Variants in MED13L observed in about 807,000 individuals in gnomAD.
MED13L encodes the protein mediator of RNA polymerase II transcription subunit 13-like.
MED13L carries 7 observed loss-of-function variants against 220.9 expected under a neutral mutation model. The observed-to-expected ratio is 0.03, with a 90% CI of 0.02 to 0.06. The LOEUF is 0.06. Among genes scored for constraint, MED13L ranks in the 10% least tolerant of loss-of-function variants. The probability of loss-of-function intolerance (pLI) is 1.00; values close to 1 mark genes in which losing one functional copy is unlikely to be tolerated. For synonymous variants in MED13L, 1,011 were observed against 1,015.2 expected, an observed-to-expected ratio of 1.00 and a Z score of 0.08; for missense variants, 1,965 against 2,760.5, an observed-to-expected ratio of 0.71 and a Z score of 6.46.
In MED13L at chr12:116,157,190, C is replaced by T. The variant is rs536438793; in HGVS notation, c.311-45678G>A. Among the ~76,000 whole-genome samples the T allele has an allele frequency of 1.9e-3, 295 of 152,268 alleles. 1 individual carries two copies. Among genetic ancestry groups the T allele is most frequent in the African/African-American group, 6.8e-3 (282 of 41,560 alleles). Reference sequence around the variant, plus strand: ...ACTTAAATGTTCTTCCCTTCATTAACCACCCTGTGCTATGCCTTTCATAAT... The same window carrying T: ...ACTTAAATGTTCTTCCCTTCATTAATCACCCTGTGCTATGCCTTTCATAAT... On this transcript the variant is annotated intron_variant, in intron 2 of 30. Coordinates refer to ENST00000281928, the MANE Select transcript of MED13L (RefSeq NM_015335.5).
chr12:116,106,968 T>C (rs1237127533), intron 3 of MED13L, among the ~76,000 whole-genome samples: 2 of 152,222 alleles, frequency 1.3e-5, no homozygotes, highest in Non-Finnish European at 1.5e-5. Flanking sequence ...CCAATACTTC[T>C]GTTAGCTAGT....
At position 115,968,850 on chromosome 12, in the gene MED13L, G is replaced by A. The variant is rs1876378916; in HGVS notation, c.6225+90C>T. ...AAGGACCCAGACCATCAAGAACTGT[G>A]CAAGTAGGAACAAGATGATCAGATG... On this transcript the variant is annotated intron_variant, in intron 28 of 30. Coordinates refer to ENST00000281928, the MANE Select transcript of MED13L (RefSeq NM_015335.5). 7 of 1,508,856 alleles carry A rather than the reference G, an allele frequency of 4.6e-6. No individual in the cohort carries two copies. The South Asian group carries it at 8.0e-5, about 17-fold the overall frequency. The allele number at this position is 1,508,856 out of a possible 1,614,324, so 93.5% of individuals were successfully genotyped here. A position where few individuals can be genotyped will look rare whatever the true frequency, so the allele number is the denominator to read the frequency against.
chr12:116,031,705 GAAAAGAAAA>G (rs1454540217), intron 4 of MED13L, among the ~76,000 whole-genome samples: 6 of 32,952 alleles, frequency 1.8e-4, no homozygotes, highest in Non-Finnish European at 3.4e-4. Flanking sequence ...GAAAAGAAAA[GAAAAGAAAA>G]GAAAAGAAAA....
At chr12:116,253,295 C>T (rs1263709351) in intron 1 of MED13L, among the ~76,000 whole-genome samples, 3 of 145,946 alleles carry the variant, frequency 2.1e-5, no homozygotes, top group Admixed American at 2.1e-4. Context: ...AAAAAAAAGA[C>T]GTGGAATTCA....
intron 2 of MED13L, among the ~76,000 whole-genome samples, chr12:116,159,401 T>C (rs1415328883): frequency 1.3e-5 from 2 of 152,176 alleles, no homozygotes; most frequent in Non-Finnish European, 2.9e-5. Flanking sequence ...AGCAGATGGA[T>C]TTGAACACTA....
rs1454802290 is a variant in MED13L, at chr12:116,120,473, TCTCTCA to T, written c.311-8967_311-8962del. 4.8e-3 allele frequency among the ~76,000 whole-genome samples: 483 copies of T among 101,342 alleles called. 1 individual carries two copies. The highest frequency in any genetic ancestry group is 0.011 in the Middle Eastern group (2 of 176). 66.5% of individuals were successfully genotyped at this position (101,342 alleles called of 152,430 possible). On this transcript the variant is annotated intron_variant, in intron 2 of 30. Coordinates refer to ENST00000281928, the MANE Select transcript of MED13L (RefSeq NM_015335.5). Reference sequence around the variant, plus strand: ...CTCTCTCTCTCTCTCTCTCTCTCTCTCTCTCACACACACACACACACACACACACAC... The same window carrying T: ...CTCTCTCTCTCTCTCTCTCTCTCTCTCACACACACACACACACACACACAC...
At chr12:116,012,044 G>A (rs1879442314) in intron 9 of MED13L, among the ~76,000 whole-genome samples, 1 of 152,148 alleles carries the variant, frequency 6.6e-6, no homozygotes, top group African/African-American at 2.4e-5. Flanking sequence ...ACATTGAACA[G>A]TATCAAATTT....
intron 4 of MED13L, among the ~76,000 whole-genome samples, chr12:116,070,562 T>A (rs1010417692): frequency 3.6e-4 from 55 of 152,282 alleles, no homozygotes; most frequent in African/African-American, 1.2e-3. Flanking sequence ...AGCCTCAAAG[T>A]TCAGGCTCTT....
At position 116,245,262 on chromosome 12, in the gene MED13L, T is replaced by C. The variant is rs560312829; in HGVS notation, c.73-7557A>G. Among the ~76,000 whole-genome samples the C allele has an allele frequency of 1.1e-4, 16 of 152,246 alleles. No homozygotes were observed. In the East Asian group the frequency reaches 2.1e-3, roughly 20 times the overall value. Reference sequence around the variant, plus strand: ...CAGTCTTCATCCCTCAGAAAGGAATTTGGAAAAGTCTTCTCTGAGAAATCT... The same window carrying C: ...CAGTCTTCATCCCTCAGAAAGGAATCTGGAAAAGTCTTCTCTGAGAAATCT... On this transcript the variant is annotated intron_variant, in intron 1 of 30. Transcript: ENST00000281928.
chr12:116,025,794 T>C (rs1210514554), intron 4 of MED13L, among the ~76,000 whole-genome samples: 1 of 152,186 alleles, frequency 6.6e-6, no homozygotes, highest in Non-Finnish European at 1.5e-5. Context: ...AGTATTCTAT[T>C]GCACAGTAGG....
In MED13L at chr12:115,991,395, A is replaced by G. The variant is rs1308740984; in HGVS notation, c.3559T>C (p.Phe1187Leu). 6.2e-7 allele frequency: 1 copy of G among 1,613,880 alleles called. No homozygotes were observed. Among genetic ancestry groups the G allele is most frequent in the Non-Finnish European group, 8.5e-7 (1 of 1,180,032 alleles). ...TGACCAATATCAGAATTCTTCCCAA[A>G]AATATCCAACTCATCTTCAAGGAAG... ...GLFLEDELDI[F>L]GKNSDIGQAA... Residue 1187 changes from phenylalanine (F) to leucine (L), a missense_variant, in exon 17 of 31, where the codon TTT (phenylalanine) becomes CTT (leucine). Coordinates refer to ENST00000281928, the MANE Select transcript of MED13L (RefSeq NM_015335.5). This position sits in a 1 kb window ranked among gnomAD's most constrained non-coding sequence, Gnocchi z 7.7.
chr12:116,120,725 A>T (rs1030625747), intron 2 of MED13L, among the ~76,000 whole-genome samples: 1 of 152,098 alleles, frequency 6.6e-6, no homozygotes, highest in African/African-American at 2.4e-5. Context: ...AAAAAATAAA[A>T]AACAGGAAAA....
rs1358408057 is a variant in MED13L at position 116,105,941 on chromosome 12, T to A, written c.395+5487A>T. Among the ~76,000 whole-genome samples, 8 of 152,184 alleles carry A rather than the reference T, an allele frequency of 5.3e-5. 1 individual carries two copies. The highest frequency in any genetic ancestry group is 2.4e-5 in the African/African-American group (1 of 41,434). On this transcript the variant is annotated intron_variant, in intron 3 of 30. Transcript: ENST00000281928. ...GTGAGCAGAAATGGGATATACCATT[T>A]CCGAGCAAAAGCATTAATGAGCGAC...
intron 1 of MED13L, among the ~76,000 whole-genome samples, chr12:116,257,501 G>C (rs754642029): frequency 6.6e-6 from 1 of 152,126 alleles, no homozygotes; most frequent in African/African-American, 2.4e-5. Flanking sequence ...TTGATGACTG[G>C]AGTCTGAATA....
chr12:116,276,648 C>T (rs1873866375), intron 1 of MED13L: 1 of 1,193,632 alleles, frequency 8.4e-7, no homozygotes, highest in African/African-American at 1.6e-5. Context: ...GCTGATCCAA[C>T]AACGGGGGAA....
At chr12:115,982,724 A>G in intron 21 of MED13L, 121 bp from the exon 22 acceptor site, 1 of 952,212 alleles carries the variant, frequency 1.1e-6, no homozygotes, top group Admixed American at 2.0e-5. Flanking sequence ...GATTAAAGGT[A>G]AGAGTAACAT....
chr12:116,209,201 C>T (rs1268051429), intron 2 of MED13L, among the ~76,000 whole-genome samples: 1 of 151,966 alleles, frequency 6.6e-6, no homozygotes, highest in East Asian at 1.9e-4. Flanking sequence ...TTTTAAATTG[C>T]CAACAGTTTA....
chr12:116,098,337 T>C (rs1262137575), intron 3 of MED13L, among the ~76,000 whole-genome samples: 1 of 152,168 alleles, frequency 6.6e-6, no homozygotes, highest in Admixed American at 6.5e-5. Flanking sequence ...ACTACTGAAA[T>C]ACAGTTATCT....
intron 4 of MED13L, among the ~76,000 whole-genome samples, chr12:116,040,917 A>G (rs564662194): frequency 6.6e-6 from 1 of 152,332 alleles, no homozygotes; most frequent in African/African-American, 2.4e-5. Context: ...GACAATCTAC[A>G]GAATTAGTAC....
Sources: gnomAD v4.1 joint callset for allele counts (sites outside exome capture counted in the v4.1 genomes callset) on GRCh38, gnomAD v4.1.1 for gene constraint, Gnocchi (gnomAD v3.1) non-coding constraint, MANE v1.5 for transcripts, NCBI Gene and HGNC (gene_info 2026-07-23, HGNC 2026-07-21) for gene names.